Variants in FSHR observed in about 807,000 individuals in gnomAD.
FSHR encodes follicle stimulating hormone receptor, also known as follicle-stimulating hormone receptor.
A neutral mutation model predicts 52.1 loss-of-function variants in FSHR; 46 were observed. The observed-to-expected ratio is 0.88, with a 90% CI of 0.70 to 1.13. The LOEUF (loss-of-function observed/expected upper bound fraction) is 1.13. Ranked by LOEUF, FSHR falls within the 50% of genes most tolerant of loss-of-function variation. FSHR has a pLI of 0.00. For missense variants in FSHR, 964 were observed against 834.6 expected (o/e 1.16, Z -1.91); for synonymous variants, 399 against 309.6 (o/e 1.29, Z -3.03).
chr2:49,112,587 T>C (rs1309257694), intron 1 of FSHR, among the ~76,000 whole-genome samples: 1 of 152,184 alleles, frequency 6.6e-6, no homozygotes, highest in Non-Finnish European at 1.5e-5. Flanking sequence ...GAGAAACCCA[T>C]GTCTTTGAAG....
intron 2 of FSHR, among the ~76,000 whole-genome samples, chr2:49,065,783 CT>C (rs1669481626): frequency 6.6e-6 from 1 of 151,872 alleles, no homozygotes; most frequent in Admixed American, 6.6e-5. Context: ...AAATAGAACC[CT>C]AGAATACCTA....
intron 1 of FSHR, among the ~76,000 whole-genome samples, chr2:49,089,043 A>G (rs904367262): frequency 1.3e-5 from 2 of 150,944 alleles, no homozygotes; most frequent in African/African-American, 5.0e-5. Context: ...TTCAGAGAAA[A>G]GTGAAGAAGA....
chr2:49,017,944 G>A (rs932692523), intron 3 of FSHR, among the ~76,000 whole-genome samples: 3 of 152,000 alleles, frequency 2.0e-5, no homozygotes, highest in African/African-American at 7.2e-5. Context: ...CTAATATGGC[G>A]AAATGAGTGT....
At chr2:49,010,645 A>G (rs1187292000) in intron 4 of FSHR, among the ~76,000 whole-genome samples, 19 of 150,452 alleles carry the variant, frequency 1.3e-4, no homozygotes, top group Admixed American at 3.3e-4. Flanking sequence ...TCGGCTGTGA[A>G]TCCATCTGGT....
chr2:49,019,113 A>G (rs1285419532), intron 3 of FSHR, among the ~76,000 whole-genome samples: 1 of 152,192 alleles, frequency 6.6e-6, no homozygotes, highest in Non-Finnish European at 1.5e-5. Context: ...GTAATCACCA[A>G]TCTCTAAAGA....
chr2:49,078,798 A>G (rs2103649318), intron 1 of FSHR, among the ~76,000 whole-genome samples: 1 of 152,324 alleles, frequency 6.6e-6, no homozygotes, highest in South Asian at 2.1e-4. Context: ...CATTCCGCTT[A>G]AAATTGGAAT....
In FSHR at chr2:49,095,310, G is replaced by A. The variant is rs530071013; in HGVS notation, c.153-27020C>T. The stretch of plus-strand genomic sequence containing the variant: ...GTCAATGGAATAGAATTGAGAGTCC[G>A]GAAATAAGCCCATCCACTTATGGGT... On this transcript the variant is annotated intron_variant, in intron 1 of 9. Coordinates refer to ENST00000406846, the MANE Select transcript of FSHR (RefSeq NM_000145.4). Among the ~76,000 whole-genome samples the A allele has an allele frequency of 5.5e-4, 84 of 152,166 alleles. No homozygotes were observed. The South Asian group carries it at 0.014, about 26-fold the overall frequency.
At chr2:49,120,464 T>C (rs1020308442) in intron 1 of FSHR, among the ~76,000 whole-genome samples, 1 of 152,218 alleles carries the variant, frequency 6.6e-6, no homozygotes, top group South Asian at 2.1e-4. Flanking sequence ...TGTAGTTGGA[T>C]GACACTTTAA....
chr2:49,088,749 A>G (rs912795621), intron 1 of FSHR, among the ~76,000 whole-genome samples: 2 of 152,196 alleles, frequency 1.3e-5, no homozygotes, highest in Non-Finnish European at 2.9e-5. Context: ...AGGATTAACT[A>G]GGGATAAACT....
intron 4 of FSHR, chr2:48,997,293 A>G (rs756880695): frequency 5.1e-6 from 5 of 984,966 alleles, no homozygotes; most frequent in Non-Finnish European, 6.0e-6. Context: ...AACTAGAAGT[A>G]TTTAACTCTC....
At chr2:49,124,322 TG>T (rs1671924479) in intron 1 of FSHR, among the ~76,000 whole-genome samples, 1 of 152,000 alleles carries the variant, frequency 6.6e-6, no homozygotes, top group Non-Finnish European at 1.5e-5. Context: ...AAGTTTTTAG[TG>T]TAGTATTCTA....
At chr2:49,106,268 A>G (rs1377937904) in intron 1 of FSHR, among the ~76,000 whole-genome samples, 1 of 152,180 alleles carries the variant, frequency 6.6e-6, no homozygotes, top group Non-Finnish European at 1.5e-5. Context: ...GGGCACACTT[A>G]TACCTAGGAG....
chr2:48,991,943 G>T (rs1399205452), intron 4 of FSHR, among the ~76,000 whole-genome samples: 2 of 151,314 alleles, frequency 1.3e-5, no homozygotes, highest in Non-Finnish European at 2.9e-5. Context: ...AAGAAGATTT[G>T]GTGCCTTGTT....
chr2:49,113,626 TTTC>T (rs1433107602), intron 1 of FSHR, among the ~76,000 whole-genome samples: 25 of 152,280 alleles, frequency 1.6e-4, no homozygotes, highest in African/African-American at 6.0e-4. Context: ...AGAACAACAT[TTTC>T]TTCATTTTTT....
intron 1 of FSHR, among the ~76,000 whole-genome samples, chr2:49,127,037 G>A (rs1353392151): frequency 1.3e-5 from 2 of 152,116 alleles, no homozygotes; most frequent in East Asian, 3.9e-4. Flanking sequence ...TAATAACCTT[G>A]GATGAAAGAC....
At position 49,066,520 on chromosome 2, in the gene FSHR, C is replaced by T. The variant is rs577524706; in HGVS notation, c.224+1699G>A. On this transcript the variant is annotated intron_variant, in intron 2 of 9. Coordinates refer to ENST00000406846, the MANE Select transcript of FSHR (RefSeq NM_000145.4). Reference sequence around the variant, plus strand: ...CCCTCTGCTAGAAAATGCTTTGAAGCCTTATGGTATAAAAAGGGTAAAAAA... The same window carrying T: ...CCCTCTGCTAGAAAATGCTTTGAAGTCTTATGGTATAAAAAGGGTAAAAAA... 2.6e-5 allele frequency among the ~76,000 whole-genome samples: 4 copies of T among 152,006 alleles called. No homozygotes were observed. The East Asian group carries it at 7.7e-4, about 29-fold the overall frequency.
chr2:49,044,875 C>T (rs1668600709), intron 2 of FSHR, among the ~76,000 whole-genome samples: 1 of 152,130 alleles, frequency 6.6e-6, no homozygotes, highest in Admixed American at 6.5e-5. Context: ...AGGGAGTGCT[C>T]AGGCTCAATT....
intron 6 of FSHR, among the ~76,000 whole-genome samples, chr2:48,988,629 C>A (rs1675624450): frequency 6.6e-6 from 1 of 152,218 alleles, no homozygotes; most frequent in South Asian, 2.1e-4. Context: ...GATTGGGCCT[C>A]CTTCCTGATC....
intron 1 of FSHR, among the ~76,000 whole-genome samples, chr2:49,109,318 G>A (rs563031224): frequency 6.6e-6 from 1 of 152,090 alleles, no homozygotes; most frequent in Non-Finnish European, 1.5e-5. Flanking sequence ...GGTGTGAAGA[G>A]CTGCCTTTTA....
Sources: allele counts gnomAD v4.1 joint callset (sites outside exome capture counted in the v4.1 genomes callset), GRCh38; gene constraint gnomAD v4.1.1; transcripts MANE v1.5; gene names NCBI Gene and HGNC (gene_info 2026-07-23, HGNC 2026-07-21).